The following ADCY2 variants were observed in gnomAD, a reference collection of about 807,000 sequenced individuals.
The protein encoded by ADCY2 is adenylate cyclase type 2.
ADCY2 carries 31 observed loss-of-function variants against 125.2 expected under a neutral mutation model. The observed-to-expected ratio is 0.25, with a 90% CI of 0.19 to 0.33. The LOEUF (loss-of-function observed/expected upper bound fraction) is 0.33. Among genes scored for constraint, ADCY2 ranks in the 10% least tolerant of loss-of-function variants. The pLI is 1.00. For missense variants in ADCY2, 904 were observed against 1,418.2 expected (o/e 0.64, Z 5.82); for synonymous variants, 512 against 548.4 (o/e 0.93, Z 0.93).
At chr5:7,481,845 T>C (rs953519339) in intron 2 of ADCY2, among the ~76,000 whole-genome samples, 21 of 152,170 alleles carry the variant, frequency 1.4e-4, no homozygotes, top group African/African-American at 4.8e-4. Context: ...TTTTTTGCTT[T>C]GATTGCCTGT....
intron 3 of ADCY2, among the ~76,000 whole-genome samples, chr5:7,580,594 T>A (rs547974580): frequency 6.6e-6 from 1 of 152,242 alleles, no homozygotes; most frequent in South Asian, 2.1e-4. Flanking sequence ...GTAATCTATA[T>A]GATAAAAAGC....
At chr5:7,593,321 T>C (rs1736907511) in intron 3 of ADCY2, among the ~76,000 whole-genome samples, 1 of 152,180 alleles carries the variant, frequency 6.6e-6, no homozygotes, top group East Asian at 1.9e-4. Flanking sequence ...AGTGTGAAAC[T>C]AGCTCATGAA....
intron 4 of ADCY2, among the ~76,000 whole-genome samples, chr5:7,675,218 G>A (rs1740084140): frequency 6.6e-6 from 1 of 151,618 alleles, no homozygotes; most frequent in South Asian, 2.1e-4. Context: ...GTTAGGTATT[G>A]TATAGGGAAG....
intron 2 of ADCY2, among the ~76,000 whole-genome samples, chr5:7,415,417 G>A (rs760926904): frequency 3.9e-5 from 6 of 152,132 alleles, no homozygotes; most frequent in East Asian, 1.9e-4. Context: ...AATTCTGTCC[G>A]TAGCCTTGTT....
intron 2 of ADCY2, among the ~76,000 whole-genome samples, chr5:7,427,817 A>G (rs908322585): frequency 2.6e-5 from 4 of 152,198 alleles, no homozygotes; most frequent in Non-Finnish European, 4.4e-5. Context: ...GGGAATCATG[A>G]GAATCTTATT....
At chr5:7,499,794 A>G (rs978972371) in intron 2 of ADCY2, among the ~76,000 whole-genome samples, 3 of 150,614 alleles carry the variant, frequency 2.0e-5, no homozygotes, top group African/African-American at 7.3e-5. Context: ...AAAGCAAAGA[A>G]AACTGCCCAT....
chr5:7,410,880 A>C (rs1476610671), intron 1 of ADCY2, among the ~76,000 whole-genome samples: 1 of 152,140 alleles, frequency 6.6e-6, no homozygotes, highest in African/African-American at 2.4e-5. Flanking sequence ...AATCAGAAGA[A>C]CATGGCCTCG....
In ADCY2 at chr5:7,709,258, T is replaced by C. The variant is rs1011221903; in HGVS notation, c.1449T>C (p.Leu483=). 5 of 1,613,736 alleles carry C rather than the reference T, an allele frequency of 3.1e-6. No homozygotes were observed. The African/African-American group carries it at 5.3e-5, about 17-fold the overall frequency. ...ATCTCTTCAGACCTCGCCACACCCTTGATGGAGCCAAAATGAGGGCCTCGG... is the reference window on the plus strand; with the variant it reads ...ATCTCTTCAGACCTCGCCACACCCTCGATGGAGCCAAAATGAGGGCCTCGG... ...PQHLFRPRHT[L]DGAKMRASVR... is the part of the protein sequence containing the mutation. The change falls in exon 10 of 25, where the codon CTT becomes CTC. Residue 483 remains leucine, a synonymous_variant. Transcript: ENST00000338316. The surrounding 1 kb of genome is among the most constrained non-coding windows in gnomAD (Gnocchi z 4.4).
chr5:7,497,183 A>G (rs1363876556), intron 2 of ADCY2, among the ~76,000 whole-genome samples: 1 of 152,212 alleles, frequency 6.6e-6, no homozygotes. Context: ...CAACCAAAAT[A>G]CACATGCAAG....
At chr5:7,654,251 G>A (rs932945719) in intron 4 of ADCY2, 5 of 430,750 alleles carry the variant, frequency 1.2e-5, no homozygotes, top group African/African-American at 1.0e-4. Context: ...CAGGAAGGAA[G>A]AAGGCAATGG....
intron 3 of ADCY2, among the ~76,000 whole-genome samples, chr5:7,535,081 C>T (rs1734772046): frequency 6.6e-6 from 1 of 152,174 alleles, no homozygotes; most frequent in Admixed American, 6.5e-5. Context: ...GCTTTTGTCA[C>T]CCAGGCTAGA....
intron 2 of ADCY2, among the ~76,000 whole-genome samples, chr5:7,435,412 T>C (rs2126385650): frequency 6.6e-6 from 1 of 152,312 alleles, no homozygotes; most frequent in African/African-American, 2.4e-5. Flanking sequence ...GGAGAACCTA[T>C]CCTTTTCATC....
At chr5:7,636,770 G>A (rs946477661) in intron 4 of ADCY2, among the ~76,000 whole-genome samples, 1 of 152,206 alleles carries the variant, frequency 6.6e-6, no homozygotes, top group South Asian at 2.1e-4. Context: ...GTCATAGTGA[G>A]AAGAGGGTAA....
At chr5:7,826,600 A>G (rs1561050928) in intron 24 of ADCY2, 119 bp from the exon 25 acceptor site, 4 of 1,303,614 alleles carry the variant, frequency 3.1e-6, no homozygotes, top group Non-Finnish European at 2.2e-6. Context: ...CTAACTTCTC[A>G]GGAGTGGAAT....
At chr5:7,819,236 C>A (rs1260051050) in intron 23 of ADCY2, among the ~76,000 whole-genome samples, 1 of 152,220 alleles carries the variant, frequency 6.6e-6, no homozygotes, top group African/African-American at 2.4e-5. Context: ...TCTCCTTTGG[C>A]AACACCCTCA....
chr5:7,599,703 G>A (rs772482707), intron 3 of ADCY2, among the ~76,000 whole-genome samples: 2 of 152,094 alleles, frequency 1.3e-5, no homozygotes, highest in African/African-American at 4.8e-5. Flanking sequence ...GTAAAGGCAC[G>A]ATCCTAGAGG....
chr5:7,634,119 G>T (rs1544938), intron 4 of ADCY2, among the ~76,000 whole-genome samples: 1 of 151,906 alleles, frequency 6.6e-6, no homozygotes, highest in African/African-American at 2.4e-5. Context: ...GCCTTTTAAT[G>T]GGGGGGAAAG....
intron 4 of ADCY2, among the ~76,000 whole-genome samples, chr5:7,688,833 C>G (rs1740616935): frequency 1.3e-5 from 2 of 152,186 alleles, no homozygotes; most frequent in Admixed American, 1.3e-4. Context: ...TACAGGGCAA[C>G]TTCTATCTGC....
chr5:7,707,526 G>A (rs1275155792), intron 8 of ADCY2, among the ~76,000 whole-genome samples, 180 bp from the exon 9 acceptor site: 1 of 152,180 alleles, frequency 6.6e-6, no homozygotes, highest in African/African-American at 2.4e-5. Flanking sequence ...AAAACTAGTA[G>A]TGCACGACCT....
Sources: gnomAD v4.1 joint callset for allele counts (sites outside exome capture counted in the v4.1 genomes callset) on GRCh38, gnomAD v4.1.1 for gene constraint, Gnocchi (gnomAD v3.1) non-coding constraint, MANE v1.5 for transcripts, NCBI Gene and HGNC (gene_info 2026-07-23, HGNC 2026-07-21) for gene names.